Variants in GPATCH8 observed in about 807,000 individuals in gnomAD.
GPATCH8 encodes the protein G patch domain-containing protein 8.
Under a neutral mutation model 118.3 loss-of-function variants are expected in GPATCH8, and 18 were observed. The observed-to-expected ratio is 0.15, with a 90% CI of 0.11 to 0.23. The LOEUF is 0.23. Among genes scored for constraint, GPATCH8 ranks in the 10% least tolerant of loss-of-function variants. GPATCH8 has a pLI of 1.00. For synonymous variants in GPATCH8, 659 were observed against 684.7 expected (o/e 0.96, Z 0.59); for missense variants, 1,631 against 1,873.8 (o/e 0.87, Z 2.39).
In GPATCH8 at chr17:44,492,736, T is replaced by A. The variant is rs184766581; in HGVS notation, c.45+10590A>T. Among the ~76,000 whole-genome samples, 42 of 152,220 alleles carry A rather than the reference T, an allele frequency of 2.8e-4. 1 individual carries two copies. Among genetic ancestry groups the A allele is most frequent in the Admixed American group, 2.2e-3 (33 of 15,262 alleles). ...TAGCTGATACTACCCTCACCATATATCACAGTAGTCAACTTTTATAAAGGT... is the reference window on the plus strand; with the variant it reads ...TAGCTGATACTACCCTCACCATATAACACAGTAGTCAACTTTTATAAAGGT... On this transcript the variant is annotated intron_variant, in intron 1 of 7. Transcript: ENST00000591680.
chr17:44,444,530 T>C (rs181195934), intron 3 of GPATCH8, among the ~76,000 whole-genome samples: 365 of 151,622 alleles, frequency 2.4e-3, no homozygotes, highest in African/African-American at 8.7e-3. Context: ...CCCAGCACTG[T>C]GGGAGGCCAA....
At position 44,398,997 on chromosome 17, in the gene GPATCH8, C is replaced by T. The variant is rs774487770; in HGVS notation, c.3080G>A (p.Arg1027His). The T allele has an allele frequency of 2.0e-5, 33 of 1,613,926 alleles. No individual in the cohort carries two copies. In the East Asian group the frequency reaches 6.0e-4, roughly 29 times the overall value. Residue 1027 changes from arginine to histidine, a missense_variant, in exon 8 of 8, where the codon CGT (arginine) becomes CAT (histidine). Transcript: ENST00000591680. Reference sequence around the variant, plus strand: ...GGACTGGGAGCGGTAGATCTTAGAACGAATGAAGTCCCGACGCCCAGAATG... The same window carrying T: ...GGACTGGGAGCGGTAGATCTTAGAATGAATGAAGTCCCGACGCCCAGAATG... ...ERHSGRRDFI[R>H]SKIYRSQSPH...
In GPATCH8 at chr17:44,459,078, T is replaced by C. The variant is rs373403844; in HGVS notation, c.193+5394A>G. Among the ~76,000 whole-genome samples, 6 of 152,182 alleles carry C rather than the reference T, an allele frequency of 3.9e-5. 1 individual carries two copies. The highest frequency in any genetic ancestry group is 3.9e-4 in the East Asian group (2 of 5,194). On this transcript the variant is annotated intron_variant, in intron 3 of 7. Transcript: ENST00000591680. Reference sequence around the variant, plus strand: ...ACGACTGAGTGACTGATGCTCTTTCTAGATGTTAGATTTTTCAGAAGTTAG... The same window carrying C: ...ACGACTGAGTGACTGATGCTCTTTCCAGATGTTAGATTTTTCAGAAGTTAG...
chr17:44,471,466 T>G (rs558680268), intron 2 of GPATCH8, among the ~76,000 whole-genome samples: 16 of 152,212 alleles, frequency 1.1e-4, no homozygotes, highest in Admixed American at 5.2e-4. Context: ...TGCAGAGACC[T>G]CCACGGTTAC....
chr17:44,418,745 C>T (rs2143839784), intron 6 of GPATCH8, among the ~76,000 whole-genome samples: 2 of 152,284 alleles, frequency 1.3e-5, no homozygotes, highest in South Asian at 4.1e-4. Context: ...GCCACCGCGC[C>T]CGGCTAGTCA....
rs1456687443 is a variant in GPATCH8, at chr17:44,397,015, C to T, written c.*553G>A. ...TTGCAGCCTGAGTTATATCAGGTTC[C>T]AGGTGAGACGCTTTCCACCTCACCT... On this transcript the variant is annotated 3_prime_UTR_variant, in exon 8 of 8. Coordinates refer to ENST00000591680, the MANE Select transcript of GPATCH8 (RefSeq NM_001002909.4). 1 of 453,980 alleles carries T rather than the reference C, an allele frequency of 2.2e-6. No individual in the cohort carries two copies. Among genetic ancestry groups the T allele is most frequent in the African/African-American group, 2.0e-5 (1 of 50,052 alleles). 28.1% of individuals were successfully genotyped at this position (453,980 alleles called of 1,614,324 possible).
rs2050018188 is a variant in GPATCH8 at position 44,424,334 on chromosome 17, G to GT, written c.492+14dup. ...GATAGGTACCTTCTTCTGTTAGCAAGTAACTACAACTCACCTGCTTGTGTG... is the reference window on the plus strand; with the variant it reads ...GATAGGTACCTTCTTCTGTTAGCAAGTTAACTACAACTCACCTGCTTGTGTG... On this transcript the variant is annotated intron_variant, in intron 6 of 7. Coordinates refer to ENST00000591680, the MANE Select transcript of GPATCH8 (RefSeq NM_001002909.4). 6.4e-7 allele frequency: 1 copy of GT among 1,567,624 alleles called. No individual in the cohort carries two copies. Among genetic ancestry groups the GT allele is most frequent in the Non-Finnish European group, 8.8e-7 (1 of 1,137,400 alleles).
chr17:44,439,010 T>C (rs961690223), intron 3 of GPATCH8, among the ~76,000 whole-genome samples: 18 of 152,158 alleles, frequency 1.2e-4, no homozygotes, highest in African/African-American at 4.1e-4. Flanking sequence ...CAATCTTTCA[T>C]TTAACTATTC....
At chr17:44,448,877 G>T (rs970096816) in intron 3 of GPATCH8, among the ~76,000 whole-genome samples, 1 of 151,662 alleles carries the variant, frequency 6.6e-6, no homozygotes, top group Non-Finnish European at 1.5e-5. Flanking sequence ...CTATAATGAA[G>T]GTAATTTTCT....
intron 3 of GPATCH8, among the ~76,000 whole-genome samples, chr17:44,457,116 G>A (rs1248932742): frequency 6.6e-6 from 1 of 152,116 alleles, no homozygotes; most frequent in Non-Finnish European, 1.5e-5. Context: ...GCCCGCCTCG[G>A]CCTCCCAAAG....
chr17:44,498,490 A>G (rs930158474), intron 1 of GPATCH8, among the ~76,000 whole-genome samples: 1 of 152,184 alleles, frequency 6.6e-6, no homozygotes, highest in African/African-American at 2.4e-5. Flanking sequence ...TTTACCCTTC[A>G]AATCACCTCC....
At position 44,399,103 on chromosome 17, in the gene GPATCH8, G is replaced by A. The variant is rs138925465; in HGVS notation, c.2974C>T (p.Arg992Cys). The A allele has an allele frequency of 5.2e-4, 833 of 1,613,698 alleles. No homozygotes were observed. Among genetic ancestry groups the A allele is most frequent in the South Asian group, 6.7e-4 (61 of 91,064 alleles). ...GAAGGGCTCCTGGTGCTGCGGCTGC[G>A]GTCCCGGCTATAGCTCCGGCTCCGT... ...WQRSRSYSRD[R>C]SRSTRSPSQR... Residue 992 changes from arginine (R) to cysteine (C), a missense_variant, in exon 8 of 8, where the codon CGC becomes TGC. Coordinates refer to ENST00000591680, the MANE Select transcript of GPATCH8 (RefSeq NM_001002909.4).
rs183150086 is a variant in GPATCH8 at position 44,490,833 on chromosome 17, A to G, written c.45+12493T>C. ...ATACACAGTAGCTCTAGTTCCTTAC[A>G]AGTCAAGGATTCTACTTCCAAACAC... On this transcript the variant is annotated intron_variant, in intron 1 of 7. Coordinates refer to ENST00000591680, the MANE Select transcript of GPATCH8 (RefSeq NM_001002909.4). Among the ~76,000 whole-genome samples, 187 of 152,306 alleles carry G rather than the reference A, an allele frequency of 1.2e-3. 1 individual carries two copies. Among genetic ancestry groups the G allele is most frequent in the Middle Eastern group, 0.01 (3 of 294 alleles).
In GPATCH8 at chr17:44,474,868, C is replaced by T; in HGVS notation, c.81G>A (p.Leu27=). The T allele has an allele frequency of 6.3e-7, 1 of 1,581,098 alleles. No individual in the cohort carries two copies. ...TGTCAAGTGACGCTTGTTCAATTTCCAAGTGTCCTTCCTCATACTGATCAA... is the reference window on the plus strand; with the variant it reads ...TGTCAAGTGACGCTTGTTCAATTTCTAAGTGTCCTTCCTCATACTGATCAA... The part of the protein sequence containing the change: ...NHFDQYEEGH[L]EIEQASLDKP... The change falls in exon 2 of 8, where the codon TTG becomes TTA. Residue 27 remains leucine (L), a synonymous_variant. Transcript: ENST00000591680.
chr17:44,426,956 AT>A (rs2050112987), intron 5 of GPATCH8, among the ~76,000 whole-genome samples: 1 of 151,960 alleles, frequency 6.6e-6, no homozygotes, highest in Non-Finnish European at 1.5e-5. Flanking sequence ...TTAACTTAGG[AT>A]TTTATATGTA....
intron 3 of GPATCH8, among the ~76,000 whole-genome samples, chr17:44,463,233 A>G (rs1024013284): frequency 6.6e-6 from 1 of 151,928 alleles, no homozygotes; most frequent in Non-Finnish European, 1.5e-5. Context: ...TGTTCCTCTC[A>G]ACACACTTGA....
chr17:44,496,654 T>C (rs1969687522), intron 1 of GPATCH8, among the ~76,000 whole-genome samples: 2 of 152,236 alleles, frequency 1.3e-5, no homozygotes, highest in Admixed American at 6.5e-5. Flanking sequence ...ACAACTTTTA[T>C]TCCTTACTAT....
At chr17:44,431,446 C>A (rs902572968) in intron 5 of GPATCH8, among the ~76,000 whole-genome samples, 2 of 144,854 alleles carry the variant, frequency 1.4e-5, no homozygotes, top group Non-Finnish European at 3.0e-5. Context: ...CTAAAGGAGA[C>A]AGAAATGTGA....
At chr17:44,436,456 T>G (rs756390486) in intron 4 of GPATCH8, 22 bp downstream of exon 4, 2 of 1,018,138 alleles carry the variant, frequency 2.0e-6, no homozygotes, top group Middle Eastern at 2.0e-4. Context: ...ACAAAACTTA[T>G]GAGTTAATGA....
Sources: allele counts gnomAD v4.1 joint callset (sites outside exome capture counted in the v4.1 genomes callset), GRCh38; gene constraint gnomAD v4.1.1; transcripts MANE v1.5; gene names NCBI Gene and HGNC (gene_info 2026-07-23, HGNC 2026-07-21).